The following ASS1 variants were observed in gnomAD, a reference collection of about 807,000 sequenced individuals.
ASS1 encodes argininosuccinate synthase 1, also known as argininosuccinate synthase.
In ASS1, 58 loss-of-function variants were observed where a neutral mutation model predicts 60.5. The ratio of observed to expected loss-of-function variants is 0.96; its 90% CI spans 0.78 to 1.19. The LOEUF (loss-of-function observed/expected upper bound fraction) is 1.19, where lower values mean the gene tolerates loss of function less well. Ranked by LOEUF, ASS1 falls within the 50% of genes most tolerant of loss-of-function variation. ASS1 has a pLI of 0.00. For synonymous variants in ASS1, 200 were observed against 206.9 expected (o/e 0.97, Z 0.29); for missense variants, 454 against 547.3 (o/e 0.83, Z 1.70).
chr9:130,466,459 C>T (rs529147612), intron 5 of ASS1: 1 of 553,958 alleles, frequency 1.8e-6, no homozygotes, highest in Non-Finnish European at 3.3e-6. Context: ...GAGACTGAGG[C>T]CCAGGGAACA....
chr9:130,481,072 G>A (rs1846162557), intron 11 of ASS1, among the ~76,000 whole-genome samples: 1 of 152,154 alleles, frequency 6.6e-6, no homozygotes, highest in African/African-American at 2.4e-5. Context: ...GCCTGTGGCT[G>A]GGCCCAGGAG....
chr9:130,474,070 C>T (rs1396909622), intron 8 of ASS1, among the ~76,000 whole-genome samples: 1 of 126,428 alleles, frequency 7.9e-6, no homozygotes, highest in Non-Finnish European at 1.7e-5. Flanking sequence ...GCACCCCCCC[C>T]CCCCCACAGA....
intron 13 of ASS1, 93 bp from the exon 14 acceptor site, chr9:130,499,412 C>A (rs1266412487): frequency 7.5e-7 from 1 of 1,325,216 alleles, no homozygotes; most frequent in African/African-American, 1.4e-5. Context: ...GCCCTGGCAT[C>A]TGGGAGGTGG....
intron 5 of ASS1, among the ~76,000 whole-genome samples, chr9:130,465,897 C>CA (rs1845728967): frequency 6.6e-6 from 1 of 152,208 alleles, no homozygotes; most frequent in Non-Finnish European, 1.5e-5. Flanking sequence ...CTTGTGGGGC[C>CA]AGGGTGTCCA....
At chr9:130,467,204 G>A (rs1845764045) in intron 6 of ASS1, among the ~76,000 whole-genome samples, 2 of 152,174 alleles carry the variant, frequency 1.3e-5, no homozygotes, top group Admixed American at 6.5e-5. Flanking sequence ...ATCGGGAGCT[G>A]TTCTCCCAAT....
At position 130,476,608 on chromosome 9, in the gene ASS1, C is replaced by T; in HGVS notation, c.598-263C>T. 2 of 573,644 alleles carry T rather than the reference C, an allele frequency of 3.5e-6. No individual in the cohort carries two copies. Among genetic ancestry groups the T allele is most frequent in the Admixed American group, 6.0e-5 (2 of 33,380 alleles). 35.5% of individuals were successfully genotyped at this position (573,644 alleles called of 1,614,324 possible). ...ACTTGTTCCTCTCCAGCTATTCTAC[C>T]TCCAGCTGTGGGGGCGTCGAAGAAA... On this transcript the variant is annotated intron_variant, in intron 8 of 14. Coordinates refer to ENST00000352480, the MANE Select transcript of ASS1 (RefSeq NM_054012.4). The surrounding 1 kb of genome is among the most constrained non-coding windows in gnomAD (Gnocchi z 4.9).
At chr9:130,493,998 A>G (rs1846520802) in intron 12 of ASS1, among the ~76,000 whole-genome samples, 1 of 152,164 alleles carries the variant, frequency 6.6e-6, no homozygotes, top group South Asian at 2.1e-4. Context: ...GGCCAACACA[A>G]GTCAAATGGA....
rs893210689 is a variant in ASS1 at position 130,501,131 on chromosome 9, C to T, written c.*110C>T. On this transcript the variant is annotated 3_prime_UTR_variant, in exon 15 of 15. Transcript: ENST00000352480. ...GTGACTTGTTCTCCCCGGCTGGCAG[C>T]GTAGTGGGGCTGCCAGGCCCCAGCT... 5.8e-5 allele frequency: 72 copies of T among 1,251,994 alleles called. 1 individual carries two copies. In the Middle Eastern group the frequency reaches 1.6e-3, roughly 28 times the overall value. 77.6% of individuals were successfully genotyped at this position (1,251,994 alleles called of 1,614,324 possible). A position where few individuals can be genotyped will look rare whatever the true frequency, so the allele number is the denominator to read the frequency against.
chr9:130,447,059 G>C (rs912137224), intron 1 of ASS1, among the ~76,000 whole-genome samples: 1 of 152,246 alleles, frequency 6.6e-6, no homozygotes, highest in African/African-American at 2.4e-5. Flanking sequence ...TCAGCGAGGG[G>C]TTGCAGGGGA....
At chr9:130,499,423 G>A (rs1320168695) in intron 13 of ASS1, 82 bp from the exon 14 acceptor site, 3 of 1,435,044 alleles carry the variant, frequency 2.1e-6, no homozygotes, top group East Asian at 4.6e-5. Flanking sequence ...TGGGAGGTGG[G>A]GCTGCTTCTG....
chr9:130,479,653 G>A lies in ASS1; in HGVS notation c.689-63G>A, dbSNP rs1846115789. On this transcript the variant is annotated intron_variant, in intron 9 of 14. Coordinates refer to ENST00000352480, the MANE Select transcript of ASS1 (RefSeq NM_054012.4). Reference sequence around the variant, plus strand: ...TCGGGAGGAGGGAGAGGGTGGGGTGGCGGGTGCAGACTCCTCCGCTGAGCC... The same window carrying A: ...TCGGGAGGAGGGAGAGGGTGGGGTGACGGGTGCAGACTCCTCCGCTGAGCC... 21 of 1,302,436 alleles carry A rather than the reference G, an allele frequency of 1.6e-5. No homozygotes were observed. In the South Asian group the frequency reaches 2.5e-4, roughly 15 times the overall value. The allele number at this position is 1,302,436 out of a possible 1,614,324, so 80.7% of individuals were successfully genotyped here.
chr9:130,483,144 C>T (rs993505581), intron 11 of ASS1, among the ~76,000 whole-genome samples: 2 of 152,022 alleles, frequency 1.3e-5, no homozygotes, highest in Non-Finnish European at 2.9e-5. Flanking sequence ...AGAGGAGAGA[C>T]GGTAAATTAG....
intron 13 of ASS1, among the ~76,000 whole-genome samples, chr9:130,497,613 C>T (rs1036781778): frequency 1.3e-5 from 2 of 152,364 alleles, no homozygotes. Flanking sequence ...CCAGCAGCCT[C>T]GTGGGACAAG....
chr9:130,465,427 T>C lies in ASS1; in HGVS notation c.420+1260T>C, dbSNP rs1845713862. ...ATATTATCATTCCTCCTATAATCAA[T>C]GTAAAAAAATAATTATTAATGTTTA... On this transcript the variant is annotated intron_variant, in intron 5 of 14. Transcript: ENST00000352480. Among the ~76,000 whole-genome samples the C allele has an allele frequency of 2.0e-5, 3 of 152,278 alleles. No homozygotes were observed. The South Asian group carries it at 6.2e-4, about 31-fold the overall frequency.
intron 1 of ASS1, among the ~76,000 whole-genome samples, chr9:130,451,136 G>A (rs1845315372): frequency 6.6e-6 from 1 of 152,196 alleles, no homozygotes; most frequent in African/African-American, 2.4e-5. Context: ...GGAGGGGGGT[G>A]CAGGGCGAGC....
intron 3 of ASS1, among the ~76,000 whole-genome samples, chr9:130,456,109 G>A (rs1250740225): frequency 6.6e-6 from 1 of 152,208 alleles, no homozygotes; most frequent in Non-Finnish European, 1.5e-5. Flanking sequence ...CAAAACTTGT[G>A]GTCTTGGGAA....
chr9:130,467,941 C>T (rs1283690490), intron 6 of ASS1, among the ~76,000 whole-genome samples: 1 of 152,190 alleles, frequency 6.6e-6, no homozygotes, highest in African/African-American at 2.4e-5. Context: ...GTCTCAGGAG[C>T]ACACTGCTGT....
chr9:130,501,133 T>C lies in ASS1; in HGVS notation c.*112T>C. On this transcript the variant is annotated 3_prime_UTR_variant, in exon 15 of 15. Transcript: ENST00000352480. ...GACTTGTTCTCCCCGGCTGGCAGCG[T>C]AGTGGGGCTGCCAGGCCCCAGCTTT... 8 of 1,239,102 alleles carry C rather than the reference T, an allele frequency of 6.5e-6. No homozygotes were observed. Among genetic ancestry groups the C allele is most frequent in the Non-Finnish European group, 9.3e-6 (8 of 857,024 alleles). 76.8% of individuals were successfully genotyped at this position (1,239,102 alleles called of 1,614,324 possible). A position where few individuals can be genotyped will look rare whatever the true frequency, so the allele number is the denominator to read the frequency against.
At chr9:130,452,499 T>C (rs1845351169) in intron 2 of ASS1, among the ~76,000 whole-genome samples, 166 bp downstream of exon 2, 1 of 152,194 alleles carries the variant, frequency 6.6e-6, no homozygotes, top group South Asian at 2.1e-4. Flanking sequence ...GGAAAATAGC[T>C]TCTCGTTGTA....
Sources: gnomAD v4.1 joint callset for allele counts (sites outside exome capture counted in the v4.1 genomes callset) on GRCh38, gnomAD v4.1.1 for gene constraint, Gnocchi (gnomAD v3.1) non-coding constraint, MANE v1.5 for transcripts, NCBI Gene and HGNC (gene_info 2026-07-23, HGNC 2026-07-21) for gene names.